The following ATP2A2 variants were observed in gnomAD, a reference collection of about 807,000 sequenced individuals.
ATP2A2 encodes the protein sarcoplasmic/endoplasmic reticulum calcium ATPase 2.
A neutral mutation model predicts 109.3 loss-of-function variants in ATP2A2; 14 were observed. That is an observed-to-expected ratio of 0.13 (90% CI 0.08 to 0.20). ATP2A2 has a LOEUF of 0.20. Ranked by LOEUF, ATP2A2 falls within the 10% of genes least tolerant of loss-of-function variation. ATP2A2 has a pLI of 1.00. For synonymous variants in ATP2A2, 506 were observed against 490.9 expected, an observed-to-expected ratio of 1.03 and a Z score of -0.41; for missense variants, 657 against 1,321.6, an observed-to-expected ratio of 0.50 and a Z score of 7.80.
Position 110,349,314 on chromosome 12 carries a change from G to C in ATP2A2, c.*2844G>C, listed in dbSNP as rs1880181209. 1.0e-6 allele frequency: 1 copy of C among 985,194 alleles called. No homozygotes were observed. The highest frequency in any genetic ancestry group is 1.2e-6 in the Non-Finnish European group (1 of 829,996). The allele number at this position is 985,194 out of a possible 1,614,324, so 61.0% of individuals were successfully genotyped here. A position where few individuals can be genotyped will look rare whatever the true frequency, so the allele number is the denominator to read the frequency against. On this transcript the variant is annotated 3_prime_UTR_variant, in exon 20 of 20. Transcript: ENST00000539276. Reference sequence around the variant, plus strand: ...AGCTGCCCAGCCCCGCAATGTGCCTGCTGTCAGGCAGCTCTTGCCTGAAAC... The same window carrying C: ...AGCTGCCCAGCCCCGCAATGTGCCTCCTGTCAGGCAGCTCTTGCCTGAAAC...
At chr12:110,335,841 C>T (rs1310719186) in intron 11 of ATP2A2, among the ~76,000 whole-genome samples, 1 of 152,204 alleles carries the variant, frequency 6.6e-6, no homozygotes, top group Non-Finnish European at 1.5e-5. Flanking sequence ...CTGGTTCCTG[C>T]CCCCACAAAC....
chr12:110,343,554 CAG>C, intron 16 of ATP2A2, 120 bp downstream of exon 16: 1 of 1,115,858 alleles, frequency 9.0e-7, no homozygotes, highest in South Asian at 1.3e-5. Context: ...TAGCAAAAGA[CAG>C]AGATGCCCTC....
In ATP2A2 at chr12:110,349,593, C is replaced by T. The variant is rs1048169343; in HGVS notation, c.*3123C>T. On this transcript the variant is annotated 3_prime_UTR_variant, in exon 20 of 20. Transcript: ENST00000539276. ...CCCTCACAACAGCTGCTCCCACATC[C>T]CCTCGGACTGGAGCTTCAGCCCTGA... The T allele has an allele frequency of 2.0e-6, 2 of 986,602 alleles. No individual in the cohort carries two copies. Among genetic ancestry groups the T allele is most frequent in the Non-Finnish European group, 2.4e-6 (2 of 830,708 alleles). 61.1% of individuals were successfully genotyped at this position (986,602 alleles called of 1,614,324 possible).
intron 11 of ATP2A2, chr12:110,334,361 C>G (rs978747041): frequency 1.6e-6 from 1 of 613,756 alleles, no homozygotes; most frequent in African/African-American, 1.8e-5. Context: ...CTTGAGCGAC[C>G]CTCTGGGCCC....
chr12:110,289,697 A>AT (rs1298862161), intron 3 of ATP2A2, among the ~76,000 whole-genome samples: 3 of 152,174 alleles, frequency 2.0e-5, no homozygotes, highest in Non-Finnish European at 2.9e-5. Context: ...TTTAAAGAAG[A>AT]TTTTATTATG....
chr12:110,327,951 T>C lies in ATP2A2; in HGVS notation c.1029T>C (p.Gly343=), dbSNP rs775857746. 1 of 1,614,138 alleles carries C rather than the reference T, an allele frequency of 6.2e-7. No individual in the cohort carries two copies. Among genetic ancestry groups the C allele is most frequent in the South Asian group, 1.1e-5 (1 of 91,086 alleles). ...VRSLPSVETL[G]CTSVICSDKT... ...GCCTCCCGTCTGTGGAAACCCTTGGTTGTACTTCTGTTATCTGCTCAGACA... is the reference window on the plus strand; with the variant it reads ...GCCTCCCGTCTGTGGAAACCCTTGGCTGTACTTCTGTTATCTGCTCAGACA... The change falls in exon 8 of 20, where the codon GGT becomes GGC. Residue 343 remains glycine (G), a synonymous_variant. Transcript: ENST00000539276. This position sits in a 1 kb window ranked among gnomAD's most constrained non-coding sequence, Gnocchi z 4.4.
At position 110,349,857 on chromosome 12, in the gene ATP2A2, G is replaced by C; in HGVS notation, c.*3387G>C. 9.5e-7 allele frequency: 1 copy of C among 1,054,334 alleles called. No individual in the cohort carries two copies. The highest frequency in any genetic ancestry group is 3.4e-5 in the South Asian group (1 of 29,326). The allele number at this position is 1,054,334 out of a possible 1,614,324, so 65.3% of individuals were successfully genotyped here. A position where few individuals can be genotyped will look rare whatever the true frequency, so the allele number is the denominator to read the frequency against. On this transcript the variant is annotated 3_prime_UTR_variant, in exon 20 of 20. Transcript: ENST00000539276. ...CGGAGGAGTTTCCTCTCCAGGGCTA[G>C]GCAAGGCAGGCGAGCAGCCAGAAGC... is the stretch of plus-strand genomic sequence containing the variant.
At position 110,327,503 on chromosome 12, in the gene ATP2A2, A is replaced by G; in HGVS notation, c.631-50A>G. On this transcript the variant is annotated intron_variant, in intron 7 of 19. Transcript: ENST00000539276. This position sits in a 1 kb window ranked among gnomAD's most constrained non-coding sequence, Gnocchi z 4.4. The stretch of plus-strand genomic sequence containing the variant: ...AGTCAAAAACCAGCGTCGGTATTTA[A>G]GTTGGGATGTGGTATTCATCTTGTG... 6.4e-7 allele frequency: 1 copy of G among 1,553,908 alleles called. No homozygotes were observed. The highest frequency in any genetic ancestry group is 8.9e-7 in the Non-Finnish European group (1 of 1,125,200).
intron 5 of ATP2A2, among the ~76,000 whole-genome samples, chr12:110,311,465 C>T (rs769126770): frequency 1.1e-4 from 16 of 151,606 alleles, no homozygotes; most frequent in Admixed American, 2.0e-4. Flanking sequence ...GGCAGGCACC[C>T]GTAACCCGTA....
rs1351049221 is a variant in ATP2A2 at position 110,349,413 on chromosome 12, G to C, written c.*2943G>C. ...TCAGTGTCGCTTGTTGCCACCCCGT[G>C]CCTCCCTTGGCCTCTCTGAGCTTTG... On this transcript the variant is annotated 3_prime_UTR_variant, in exon 20 of 20. Coordinates refer to ENST00000539276, the MANE Select transcript of ATP2A2 (RefSeq NM_170665.4). 1 of 985,424 alleles carries C rather than the reference G, an allele frequency of 1.0e-6. No homozygotes were observed. The allele number at this position is 985,424 out of a possible 1,614,324, so 61.0% of individuals were successfully genotyped here.
chr12:110,346,392 G>A lies in ATP2A2; in HGVS notation c.3051G>A (p.Pro1017=), dbSNP rs746737827. 28 of 1,614,088 alleles carry A rather than the reference G, an allele frequency of 1.7e-5. No individual in the cohort carries two copies. The highest frequency in any genetic ancestry group is 1.2e-4 in the Admixed American group (7 of 60,002). ...FSACTDGISW[P]FVLLIMPLVI... is the part of the protein sequence containing the mutation. Reference sequence around the variant, plus strand: ...CATGCACCGATGGGATTTCCTGGCCGTTTGTGCTGCTCATAATGCCCCTGG... The same window carrying A: ...CATGCACCGATGGGATTTCCTGGCCATTTGTGCTGCTCATAATGCCCCTGG... Residue 1017 remains proline (P), a synonymous_variant, in exon 20 of 20, where the codon CCG becomes CCA. Coordinates refer to ENST00000539276, the MANE Select transcript of ATP2A2 (RefSeq NM_170665.4).
intron 4 of ATP2A2, among the ~76,000 whole-genome samples, chr12:110,295,599 A>G (rs1873883133): frequency 6.6e-6 from 1 of 152,192 alleles, no homozygotes. Flanking sequence ...CTTTATCATG[A>G]ATTTCCCAAT....
At chr12:110,310,501 G>C (rs865851097) in intron 5 of ATP2A2, among the ~76,000 whole-genome samples, 10 of 152,126 alleles carry the variant, frequency 6.6e-5, no homozygotes, top group Non-Finnish European at 1.3e-4. Flanking sequence ...TAAGAACACT[G>C]TTTTCAGGGT....
At chr12:110,295,055 G>C (rs980231104) in intron 4 of ATP2A2, among the ~76,000 whole-genome samples, 2 of 152,250 alleles carry the variant, frequency 1.3e-5, no homozygotes, top group Non-Finnish European at 2.9e-5. Context: ...CCAACCTCAG[G>C]CGATCCGCCC....
chr12:110,298,336 T>C (rs1874186711), intron 5 of ATP2A2, among the ~76,000 whole-genome samples: 1 of 152,140 alleles, frequency 6.6e-6, no homozygotes, highest in Admixed American at 6.5e-5. Flanking sequence ...GTGTAAATGG[T>C]GTGTGTAAAT....
At position 110,348,794 on chromosome 12, in the gene ATP2A2, A is replaced by T; in HGVS notation, c.*2324A>T. ...GAGGCTGCTTTGCCCAGCAGGGAAC[A>T]TTTGGGGCAGGGGGTAAATTTTGCC... On this transcript the variant is annotated 3_prime_UTR_variant, in exon 20 of 20. Transcript: ENST00000539276. The T allele has an allele frequency of 1.0e-6, 1 of 985,516 alleles. No homozygotes were observed. The highest frequency in any genetic ancestry group is 1.2e-6 in the Non-Finnish European group (1 of 830,040). The allele number at this position is 985,516 out of a possible 1,614,324, so 61.0% of individuals were successfully genotyped here.
chr12:110,282,533 A>G (rs1872241369), intron 1 of ATP2A2, 71 bp from the exon 2 acceptor site: 4 of 1,576,232 alleles, frequency 2.5e-6, no homozygotes, highest in Non-Finnish European at 3.5e-6. Context: ...ACGAAGTGCT[A>G]AAATGTCTCT....
chr12:110,283,439 G>A (rs1436013925), intron 3 of ATP2A2, among the ~76,000 whole-genome samples: 2 of 152,198 alleles, frequency 1.3e-5, no homozygotes, highest in Admixed American at 1.3e-4. Flanking sequence ...TTCTTGTTCT[G>A]TGTGTGCTTA....
intron 5 of ATP2A2, among the ~76,000 whole-genome samples, chr12:110,313,757 C>G (rs1566219032): frequency 6.9e-6 from 1 of 144,908 alleles, no homozygotes; most frequent in Non-Finnish European, 1.5e-5. Context: ...GTCACCCAGG[C>G]TGGAGAGCAG....
Sources: allele counts gnomAD v4.1 joint callset (sites outside exome capture counted in the v4.1 genomes callset), GRCh38; gene constraint gnomAD v4.1.1; non-coding constraint Gnocchi (gnomAD v3.1); transcripts MANE v1.5; gene names NCBI Gene and HGNC (gene_info 2026-07-23, HGNC 2026-07-21).